The following CUBN variants were observed in gnomAD, a reference collection of about 807,000 sequenced individuals.
CUBN encodes the protein 460 kDa receptor.
In CUBN, 282 loss-of-function variants were observed where a neutral mutation model predicts 405.3. The observed-to-expected ratio is 0.70, with a 90% confidence interval of 0.63 to 0.77. The LOEUF (loss-of-function observed/expected upper bound fraction) is 0.77, where lower values mean the gene tolerates loss of function less well. Among genes scored for constraint, CUBN ranks in the 30% least tolerant of loss-of-function variants. CUBN has a pLI of 0.00. For synonymous variants in CUBN, 1,684 were observed against 1,617.0 expected (o/e 1.04, Z -0.99); for missense variants, 4,514 against 4,475.2 (o/e 1.01, Z -0.25).
At chr10:17,129,498 T>C (rs973323226) in intron 1 of CUBN, 146 bp downstream of exon 1, 1 of 1,106,964 alleles carries the variant, frequency 9.0e-7, no homozygotes, top group Non-Finnish European at 1.4e-6. Context: ...AGTAATTTCA[T>C]ACCTCAGTCT....
At position 16,952,376 on chromosome 10, in the gene CUBN, G is replaced by A. The variant is rs773311108; in HGVS notation, c.4869C>T (p.His1623=). The change falls in exon 33 of 67, where the codon CAC becomes CAT. Residue 1623 remains histidine (H), a synonymous_variant. Coordinates refer to ENST00000377833, the MANE Select transcript of CUBN (RefSeq NM_001081.4). ...CAGTATCAAATGAGCTGGTGAGGAT[G>A]TGGCCTCCGCAGGCTGGGGAACACA... ...RAQFRQACGG[H]ILTSSFDTVS... The A allele has an allele frequency of 1.1e-5, 18 of 1,611,406 alleles. No homozygotes were observed. The highest frequency in any genetic ancestry group is 1.0e-4 in the Admixed American group (6 of 59,998).
intron 33 of CUBN, among the ~76,000 whole-genome samples, chr10:16,951,374 T>G (rs1842917247): frequency 1.3e-5 from 2 of 152,252 alleles, no homozygotes; most frequent in Non-Finnish European, 2.9e-5. Flanking sequence ...AGCCAAACTC[T>G]TCATTTTGCA....
chr10:17,078,289 G>C (rs569876875), intron 17 of CUBN, among the ~76,000 whole-genome samples: 2 of 152,086 alleles, frequency 1.3e-5, no homozygotes, highest in Non-Finnish European at 2.9e-5. Flanking sequence ...CAGCCACCCT[G>C]GTCTATTTCC....
intron 54 of CUBN, among the ~76,000 whole-genome samples, 184 bp from the exon 55 acceptor site, chr10:16,890,711 C>T (rs1840980573): frequency 6.6e-6 from 1 of 152,160 alleles, no homozygotes; most frequent in African/African-American, 2.4e-5. Flanking sequence ...TTTAAAATAG[C>T]ATGTCCCATT....
chr10:17,071,459 T>C lies in CUBN; in HGVS notation c.2592A>G (p.Gly864=). 1.2e-6 allele frequency: 2 copies of C among 1,613,992 alleles called. No individual in the cohort carries two copies. Among genetic ancestry groups the C allele is most frequent in the Non-Finnish European group, 1.7e-6 (2 of 1,179,932 alleles). The part of the protein sequence containing the change: ...ILLNFTVFEI[G]SSAHCETDYV... ...AATCTGTTTCACAGTGGGCAGAACT[T>C]CCAATTTCAAAGACAGTGAAGTTGA... The change falls in exon 19 of 67, where the codon GGA becomes GGG. Residue 864 remains glycine (G), a synonymous_variant. Transcript: ENST00000377833.
chr10:16,869,558 GGGGGGGGGGC>G, intron 59 of CUBN, 68 bp downstream of exon 59: 1 of 488,660 alleles, frequency 2.0e-6, no homozygotes, highest in Non-Finnish European at 3.2e-6. Flanking sequence ...AGGTGGGGGT[GGGGGGGGGGC>G]GGGGAAATTA....
chr10:16,986,466 T>C lies in CUBN; in HGVS notation c.4351-2187A>G, dbSNP rs774552330. Reference sequence around the variant, plus strand: ...TATAATGATTTCTTTGTCTGATTAATTCCCCCCAGCCATCCGGTAAAGGCC... The same window carrying C: ...TATAATGATTTCTTTGTCTGATTAACTCCCCCCAGCCATCCGGTAAAGGCC... On this transcript the variant is annotated intron_variant, in intron 29 of 66. Transcript: ENST00000377833. Among the ~76,000 whole-genome samples, 4 of 152,188 alleles carry C rather than the reference T, an allele frequency of 2.6e-5. No homozygotes were observed. In the East Asian group the frequency reaches 7.7e-4, roughly 29 times the overall value.
chr10:16,965,875 CTG>C, intron 31 of CUBN: 1 of 438,882 alleles, frequency 2.3e-6, no homozygotes. Flanking sequence ...GCAGGGAAAA[CTG>C]AGCTCTGAAA....
chr10:16,852,112 C>A (rs1157927959), intron 59 of CUBN, among the ~76,000 whole-genome samples: 2 of 124,900 alleles, frequency 1.6e-5, no homozygotes, highest in African/African-American at 3.1e-5. Flanking sequence ...TCCCTCCCTC[C>A]CTCCATCTTT....
At chr10:17,109,877 T>C (rs1356662948) in intron 9 of CUBN, 142 bp from the exon 10 acceptor site, 6 of 670,930 alleles carry the variant, frequency 8.9e-6, no homozygotes, top group Non-Finnish European at 1.6e-5. Flanking sequence ...TAAAATGTCA[T>C]CAACAAATGA....
intron 37 of CUBN, among the ~76,000 whole-genome samples, chr10:16,939,566 T>C (rs1309398785): frequency 6.6e-6 from 1 of 152,238 alleles, no homozygotes; most frequent in Non-Finnish European, 1.5e-5. Flanking sequence ...AAAGTTGAGC[T>C]AGAGAATAAA....
chr10:17,007,750 C>A (rs1283997274), intron 28 of CUBN, among the ~76,000 whole-genome samples: 7 of 152,186 alleles, frequency 4.6e-5, no homozygotes. Context: ...GTTAGCGGGG[C>A]TGTCCTGAGC....
At chr10:17,026,681 C>T (rs970822000) in intron 27 of CUBN, among the ~76,000 whole-genome samples, 6 of 151,982 alleles carry the variant, frequency 3.9e-5, no homozygotes, top group Non-Finnish European at 8.8e-5. Context: ...GGAGATACAG[C>T]GCTTCCATTG....
intron 66 of CUBN, among the ~76,000 whole-genome samples, chr10:16,827,737 G>A (rs184191064): frequency 2.6e-5 from 4 of 152,310 alleles, no homozygotes; most frequent in Admixed American, 6.5e-5. Flanking sequence ...GAGTACTTGG[G>A]ATTACAGGCG....
At chr10:16,961,286 G>A (rs1843209676) in intron 31 of CUBN, among the ~76,000 whole-genome samples, 2 of 152,058 alleles carry the variant, frequency 1.3e-5, no homozygotes, top group Admixed American at 1.3e-4. Context: ...TGCCTAGTGT[G>A]GAACTCCTGG....
intron 51 of CUBN, 92 bp from the exon 52 acceptor site, chr10:16,901,551 T>G (rs1368414704): frequency 6.5e-7 from 1 of 1,537,846 alleles, no homozygotes; most frequent in South Asian, 1.1e-5. Flanking sequence ...CCATCAGATT[T>G]TGTGATTAAA....
intron 28 of CUBN, among the ~76,000 whole-genome samples, chr10:16,997,976 G>A (rs1833780706): frequency 6.6e-6 from 1 of 152,088 alleles, no homozygotes; most frequent in Non-Finnish European, 1.5e-5. Flanking sequence ...ATTCTGTGAG[G>A]AAGGGGACAC....
At position 16,886,133 on chromosome 10, in the gene CUBN, T is replaced by C. The variant is rs575404736; in HGVS notation, c.8905+2284A>G. On this transcript the variant is annotated intron_variant, in intron 56 of 66. Coordinates refer to ENST00000377833, the MANE Select transcript of CUBN (RefSeq NM_001081.4). ...GCTGAAAAGATGACACTTTACTTTA[T>C]ATTCCATTTTTACAGTGACATACAT... 7.9e-5 allele frequency among the ~76,000 whole-genome samples: 12 copies of C among 152,352 alleles called. No homozygotes were observed. In the East Asian group the frequency reaches 2.3e-3, roughly 29 times the overall value.
At chr10:16,960,204 A>G (rs940095947) in intron 31 of CUBN, among the ~76,000 whole-genome samples, 1 of 152,172 alleles carries the variant, frequency 6.6e-6, no homozygotes, top group Non-Finnish European at 1.5e-5. Context: ...TTCAAAATAC[A>G]TATGAGGCCG....
Sources: gnomAD v4.1 joint callset for allele counts (sites outside exome capture counted in the v4.1 genomes callset) on GRCh38, gnomAD v4.1.1 for gene constraint, MANE v1.5 for transcripts, NCBI Gene and HGNC (gene_info 2026-07-23, HGNC 2026-07-21) for gene names.